The following WDR7 variants were observed in gnomAD, a reference collection of about 807,000 sequenced individuals.
WDR7 encodes WD repeat-containing protein 7.
In WDR7, 46 loss-of-function variants were observed where a neutral mutation model predicts 169.4. That is an observed-to-expected ratio of 0.27 (90% confidence interval 0.21 to 0.35). WDR7 has a LOEUF of 0.35. Among genes scored for constraint, WDR7 ranks in the 10% least tolerant of loss-of-function variants. The pLI, the probability that WDR7 is intolerant of heterozygous loss-of-function variation, is 1.00. For synonymous variants in WDR7, 612 were observed against 666.8 expected (o/e 0.92, Z 1.27); for missense variants, 1,534 against 1,859.3 (o/e 0.83, Z 3.22).
chr18:57,016,165 TCAGCCACACTGCTTCCTGAGAAGCCCA>T (rs1420380267), intron 26 of WDR7, among the ~76,000 whole-genome samples: 2 of 152,068 alleles, frequency 1.3e-5, no homozygotes, highest in Non-Finnish European at 2.9e-5. Flanking sequence ...TAATCTAAAG[TCAGCCACACTGCTTCCTGAGAAGCCCA>T]CAGCCACACC....
At chr18:56,832,049 A>C (rs537108706) in intron 20 of WDR7, among the ~76,000 whole-genome samples, 1 of 152,158 alleles carries the variant, frequency 6.6e-6, no homozygotes, top group Non-Finnish European at 1.5e-5. Flanking sequence ...CTTGCTCAGC[A>C]GTTCCCACCC....
At chr18:56,692,205 T>C (rs2144622349) in intron 9 of WDR7, among the ~76,000 whole-genome samples, 1 of 152,324 alleles carries the variant, frequency 6.6e-6, no homozygotes, top group South Asian at 2.1e-4. Flanking sequence ...ATAGTTCCTT[T>C]GTTGAACAAG....
At chr18:57,031,755 C>G (rs888269295), downstream of WDR7, 5 of 152,212 alleles carry the variant, frequency 3.3e-5, no homozygotes, top group Non-Finnish European at 5.9e-5. Flanking sequence ...GGCCAGGAGT[C>G]TAGCACTGCT....
chr18:56,852,962 G>A lies in WDR7; in HGVS notation c.3305-26982G>A, dbSNP rs573693491. On this transcript the variant is annotated intron_variant, in intron 20 of 27. Coordinates refer to ENST00000254442, the MANE Select transcript of WDR7 (RefSeq NM_015285.3). ...TCTGTAATAACATTCAGTTACCATAGGCACACATGCAAATAGATTTAGGTT... is the reference window on the plus strand; with the variant it reads ...TCTGTAATAACATTCAGTTACCATAAGCACACATGCAAATAGATTTAGGTT... Among the ~76,000 whole-genome samples, 5 of 152,168 alleles carry A rather than the reference G, an allele frequency of 3.3e-5. No homozygotes were observed. In the South Asian group the frequency reaches 1.0e-3, roughly 32 times the overall value.
chr18:57,008,412 C>G (rs2048095204), intron 26 of WDR7, among the ~76,000 whole-genome samples: 1 of 152,110 alleles, frequency 6.6e-6, no homozygotes, highest in African/African-American at 2.4e-5. Flanking sequence ...TTCTTGACAC[C>G]ACAAGAAGGC....
intron 26 of WDR7, among the ~76,000 whole-genome samples, chr18:57,013,134 A>G (rs151172321): frequency 1.2e-4 from 19 of 152,292 alleles, no homozygotes; most frequent in African/African-American, 4.3e-4. Context: ...TCCTCAGATC[A>G]TCAGGCATTA....
At chr18:56,717,520 T>C (rs8093133) in intron 12 of WDR7, among the ~76,000 whole-genome samples, 8 of 152,066 alleles carry the variant, frequency 5.3e-5, no homozygotes, top group African/African-American at 1.9e-4. Context: ...TTGTTTTTGA[T>C]CAAAGGTGCA....
rs377725530 is a variant in WDR7 at position 56,873,844 on chromosome 18, C to G, written c.3305-6100C>G. On this transcript the variant is annotated intron_variant, in intron 20 of 27. Transcript: ENST00000254442. ...TTGATCTAAGATGTCACACCAGGCT[C>G]TCTGTCTGAGCACCTGGGCTAGAGG... 7 of 152,346 alleles carry G rather than the reference C, an allele frequency of 4.6e-5. No homozygotes were observed. In the East Asian group the frequency reaches 1.2e-3, roughly 25 times the overall value. The allele number at this position is 152,346 out of a possible 1,614,324, so 9.4% of individuals were successfully genotyped here. A position where few individuals can be genotyped will look rare whatever the true frequency, so the allele number is the denominator to read the frequency against.
Position 56,822,613 on chromosome 18 carries a change from C to G in WDR7, c.3304+6469C>G, listed in dbSNP as rs1291222458. ...TAAACTAGAATAAGAGACTTCCACCCGCACCCTCTGCCTTTCTCATTCTTT... is the reference window on the plus strand; with the variant it reads ...TAAACTAGAATAAGAGACTTCCACCGGCACCCTCTGCCTTTCTCATTCTTT... On this transcript the variant is annotated intron_variant, in intron 20 of 27. Transcript: ENST00000254442. Among the ~76,000 whole-genome samples, 3 of 152,164 alleles carry G rather than the reference C, an allele frequency of 2.0e-5. No homozygotes were observed. In the East Asian group the frequency reaches 5.8e-4, roughly 29 times the overall value.
intron 19 of WDR7, among the ~76,000 whole-genome samples, chr18:56,794,304 A>ATTTTTTTTTTTTT (rs566857049): frequency 0.074 from 3,642 of 49,362 alleles, 1,336 homozygotes; most frequent in East Asian, 0.2. Flanking sequence ...GGTAAAGTCT[A>ATTTTTTTTTTTTT]TTTTTTTTTT....
intron 19 of WDR7, among the ~76,000 whole-genome samples, chr18:56,805,912 C>T (rs2044765867): frequency 6.6e-6 from 1 of 152,160 alleles, no homozygotes; most frequent in South Asian, 2.1e-4. Flanking sequence ...CCTCTTCTCA[C>T]ACTGTTTATG....
intron 21 of WDR7, among the ~76,000 whole-genome samples, chr18:56,895,967 T>C (rs2145545575): frequency 6.6e-6 from 1 of 151,992 alleles, no homozygotes; most frequent in East Asian, 1.9e-4. Flanking sequence ...TTATTTTGTT[T>C]TATTCAATAA....
At chr18:56,836,891 A>C (rs1204263257) in intron 20 of WDR7, among the ~76,000 whole-genome samples, 1 of 152,216 alleles carries the variant, frequency 6.6e-6, no homozygotes, top group Non-Finnish European at 1.5e-5. Context: ...TTAGTGTATT[A>C]ATTCTTCTGC....
chr18:56,802,037 A>C (rs2044682133), intron 19 of WDR7, among the ~76,000 whole-genome samples: 1 of 152,212 alleles, frequency 6.6e-6, no homozygotes, highest in Non-Finnish European at 1.5e-5. Context: ...CTAAAAATTC[A>C]GTAGAACTGT....
intron 7 of WDR7, among the ~76,000 whole-genome samples, chr18:56,690,322 G>A (rs761447344): frequency 2.6e-5 from 4 of 152,128 alleles, no homozygotes; most frequent in Non-Finnish European, 5.9e-5. Context: ...GCAGTGCCTT[G>A]CAAATGTAAA....
intron 25 of WDR7, among the ~76,000 whole-genome samples, chr18:56,948,752 G>C (rs1328884702): frequency 6.6e-6 from 1 of 152,154 alleles, no homozygotes; most frequent in East Asian, 1.9e-4. Context: ...GTGAAGCCCA[G>C]CTTTCCTGAA....
At chr18:57,036,048 G>C in the WDR7 span, 1 of 152,408 alleles carries the variant, frequency 6.6e-6, no homozygotes, top group South Asian at 2.1e-4. Flanking sequence ...TCTTGCCAAG[G>C]GGGAGGAGAG....
chr18:56,930,688 A>C (rs189426871), intron 22 of WDR7, among the ~76,000 whole-genome samples: 281 of 152,346 alleles, frequency 1.8e-3, no homozygotes, highest in African/African-American at 6.2e-3. Flanking sequence ...TAAAATGGGA[A>C]TACCAGGGGC....
chr18:56,968,792 T>C (rs545745494), intron 26 of WDR7, among the ~76,000 whole-genome samples: 35 of 152,230 alleles, frequency 2.3e-4, no homozygotes, highest in Admixed American at 9.8e-4. Flanking sequence ...ACAACTGACT[T>C]CCCTCTCTCT....
Sources: gnomAD v4.1 joint callset for allele counts (sites outside exome capture counted in the v4.1 genomes callset) on GRCh38, gnomAD v4.1.1 for gene constraint, MANE v1.5 for transcripts, NCBI Gene and HGNC (gene_info 2026-07-23, HGNC 2026-07-21) for gene names.